STXBP5: variants seen among roughly 807,000 people sequenced by gnomAD.
STXBP5 encodes the protein syntaxin-binding protein 5.
STXBP5 carries 50 observed loss-of-function variants against 152.4 expected under a neutral mutation model. That is an observed-to-expected ratio of 0.33 (90% CI 0.26 to 0.42). The LOEUF is 0.42. Ranked by LOEUF, STXBP5 falls within the 10% of genes least tolerant of loss-of-function variation. STXBP5 has a pLI of 1.00. For synonymous variants in STXBP5, 492 were observed against 494.7 expected (o/e 0.99, Z 0.07); for missense variants, 1,167 against 1,388.6 (o/e 0.84, Z 2.54).
At chr6:147,360,252 A>G (rs984864726) in intron 23 of STXBP5, among the ~76,000 whole-genome samples, 1 of 152,112 alleles carries the variant, frequency 6.6e-6, no homozygotes, top group Non-Finnish European at 1.5e-5. Context: ...TTCCTCAGGG[A>G]TCTAGAACTA....
intron 18 of STXBP5, among the ~76,000 whole-genome samples, chr6:147,329,820 G>A (rs921661790): frequency 6.6e-6 from 1 of 151,564 alleles, no homozygotes; most frequent in African/African-American, 2.4e-5. Context: ...GTAGAGACGG[G>A]GTTTCACCGT....
At chr6:147,256,638 G>A (rs1779380911) in intron 4 of STXBP5, among the ~76,000 whole-genome samples, 1 of 152,178 alleles carries the variant, frequency 6.6e-6, no homozygotes, top group Admixed American at 6.5e-5. Context: ...GATAACTCTT[G>A]TGGCAGTTTA....
chr6:147,237,512 G>T (rs866025826), intron 3 of STXBP5, among the ~76,000 whole-genome samples: 1 of 152,116 alleles, frequency 6.6e-6, no homozygotes, highest in East Asian at 1.9e-4. Flanking sequence ...AGATGACATC[G>T]CCTGATATTT....
Position 147,315,711 on chromosome 6 carries a change from G to A in STXBP5, c.1599G>A (p.Gln533=). ...TCATTATTTATAGATTCAGCAAGCA[G>A]GAAGTAATCACAGAAGTCATTCCGG... ...AHVIIYRFSK[Q]EVITEVIPML... Residue 533 remains glutamine, a synonymous_variant, in exon 15 of 28, where the codon CAG becomes CAA. Transcript: ENST00000321680. 1 of 1,613,550 alleles carries A rather than the reference G, an allele frequency of 6.2e-7. No homozygotes were observed. Among genetic ancestry groups the A allele is most frequent in the Non-Finnish European group, 8.5e-7 (1 of 1,179,602 alleles).
chr6:147,241,735 T>C (rs1163779666), intron 4 of STXBP5, among the ~76,000 whole-genome samples: 1 of 152,146 alleles, frequency 6.6e-6, no homozygotes, highest in Non-Finnish European at 1.5e-5. Context: ...CATAGCATCT[T>C]ATAGATTAGG....
intron 6 of STXBP5, among the ~76,000 whole-genome samples, chr6:147,262,804 GTT>G (rs66690871): frequency 1.3e-5 from 2 of 151,018 alleles, no homozygotes; most frequent in Non-Finnish European, 3.0e-5. Context: ...ATAATGTAGA[GTT>G]TTTTTTAATG....
Position 147,262,275 on chromosome 6 carries a change from CT to C in STXBP5, c.567-10del. On this transcript the variant is annotated splice_polypyrimidine_tract_variant and intron_variant, in intron 5 of 27. Transcript: ENST00000321680. ...TTAACTGAAGAGAAAATCTTACTAA[CT>C]TTTTCTTTTTTAGGTCATCTAAATC... 1.3e-6 allele frequency: 2 copies of C among 1,519,508 alleles called. No individual in the cohort carries two copies. Among genetic ancestry groups the C allele is most frequent in the Non-Finnish European group, 8.8e-7 (1 of 1,131,458 alleles). The allele number at this position is 1,519,508 out of a possible 1,614,324, so 94.1% of individuals were successfully genotyped here.
At chr6:147,209,080 A>C (rs1022087765) in intron 2 of STXBP5, among the ~76,000 whole-genome samples, 3 of 152,102 alleles carry the variant, frequency 2.0e-5, no homozygotes, top group African/African-American at 7.2e-5. Flanking sequence ...AAATTGCTTC[A>C]TACTTTAATC....
chr6:147,213,477 T>TGCGCGCGCGC lies in STXBP5; in HGVS notation c.248+7417_248+7418insGCGCGCGCGC, dbSNP rs1554282764. The stretch of plus-strand genomic sequence containing the variant: ...GTGTGTGTGTGTGTGTGTGTGTGTG[T>TGCGCGCGCGC]GCGCGCGCATATATATATTTTTTCT... On this transcript the variant is annotated intron_variant, in intron 2 of 27. Coordinates refer to ENST00000321680, the MANE Select transcript of STXBP5 (RefSeq NM_001127715.4). 2.4e-4 allele frequency among the ~76,000 whole-genome samples: 32 copies of TGCGCGCGCGC among 131,326 alleles called. 1 individual carries two copies. Among genetic ancestry groups the TGCGCGCGCGC allele is most frequent in the African/African-American group, 7.3e-4 (23 of 31,366 alleles). 86.2% of individuals were successfully genotyped at this position (131,326 alleles called of 152,430 possible).
rs368829335 is a variant in STXBP5 at position 147,364,720 on chromosome 6, G to A, written c.3081+554G>A. Among the ~76,000 whole-genome samples, 12 of 152,224 alleles carry A rather than the reference G, an allele frequency of 7.9e-5. No homozygotes were observed. In the South Asian group the frequency reaches 1.7e-3, roughly 21 times the overall value. On this transcript the variant is annotated intron_variant, in intron 25 of 27. Transcript: ENST00000321680. ...GCTGTATGTGCTTCTGTGTGTATTC[G>A]AAGTGATCAGTTTAGCTTTACCTTC...
intron 9 of STXBP5, among the ~76,000 whole-genome samples, chr6:147,308,317 G>A (rs1266017280): frequency 5.3e-5 from 8 of 152,140 alleles, no homozygotes; most frequent in Admixed American, 3.3e-4. Context: ...CTGAATGTAT[G>A]GATATGGTTC....
chr6:147,266,579 A>G (rs1387406128), intron 6 of STXBP5, among the ~76,000 whole-genome samples: 1 of 152,136 alleles, frequency 6.6e-6, no homozygotes, highest in East Asian at 1.9e-4. Flanking sequence ...ACACTGCAAC[A>G]GGGAATTCCA....
rs562521963 is a variant in STXBP5 at position 147,244,525 on chromosome 6, C to G, written c.431+5255C>G. ...TTTTGTACTTTTAACATTTTTACGT[C>G]TCCGAAATTGCAATGTTTTTATTAA... On this transcript the variant is annotated intron_variant, in intron 4 of 27. Transcript: ENST00000321680. 1.9e-4 allele frequency among the ~76,000 whole-genome samples: 29 copies of G among 152,254 alleles called. No individual in the cohort carries two copies. In the South Asian group the frequency reaches 5.6e-3, roughly 29 times the overall value.
At chr6:147,283,821 G>T (rs570676902) in intron 8 of STXBP5, among the ~76,000 whole-genome samples, 1 of 152,080 alleles carries the variant, frequency 6.6e-6, no homozygotes, top group Non-Finnish European at 1.5e-5. Context: ...AAGTCCAGCC[G>T]TAAATCAACT....
intron 9 of STXBP5, 43 bp from the exon 10 acceptor site, chr6:147,310,035 ATTATCT>A (rs776159792): frequency 1.5e-6 from 2 of 1,293,896 alleles, no homozygotes; most frequent in East Asian, 2.6e-5. Flanking sequence ...TAGCAAGAAA[ATTATCT>A]TTACTATGCC....
chr6:147,236,730 T>C (rs1778291019), intron 3 of STXBP5, among the ~76,000 whole-genome samples: 1 of 151,468 alleles, frequency 6.6e-6, no homozygotes, highest in South Asian at 2.1e-4. Context: ...CCTTTGTAAT[T>C]GAACTCCTGC....
Position 147,384,988 on chromosome 6 carries a change from T to TA in STXBP5, c.*236dup. On this transcript the variant is annotated 3_prime_UTR_variant, in exon 28 of 28. Transcript: ENST00000321680. ...AGTTATGAGTTGACCATTTGGGAAT[T>TA]AAACAGGTCACACGTGACAGATGAA... The TA allele has an allele frequency of 3.9e-6, 2 of 518,674 alleles. No individual in the cohort carries two copies. Among genetic ancestry groups the TA allele is most frequent in the South Asian group, 5.1e-5 (2 of 39,292 alleles). 32.1% of individuals were successfully genotyped at this position (518,674 alleles called of 1,614,324 possible).
chr6:147,285,925 TA>T (rs1780938737), intron 8 of STXBP5, among the ~76,000 whole-genome samples: 1 of 152,196 alleles, frequency 6.6e-6, no homozygotes. Context: ...TTTGTGTCTA[TA>T]ATTCTAAATT....
intron 4 of STXBP5, among the ~76,000 whole-genome samples, chr6:147,255,299 C>G (rs139485126): frequency 6.6e-6 from 1 of 152,070 alleles, no homozygotes; most frequent in Non-Finnish European, 1.5e-5. Flanking sequence ...TACGCTGAGG[C>G]GTGTCGGAGG....
Sources: allele counts gnomAD v4.1 joint callset (sites outside exome capture counted in the v4.1 genomes callset), GRCh38; gene constraint gnomAD v4.1.1; transcripts MANE v1.5; gene names NCBI Gene and HGNC (gene_info 2026-07-23, HGNC 2026-07-21).